CSMD1: variants seen among roughly 807,000 people sequenced by gnomAD.
The protein encoded by CSMD1 is CUB and sushi domain-containing protein 1.
CSMD1 carries 213 observed loss-of-function variants against 417.5 expected under a neutral mutation model. The ratio of observed to expected loss-of-function variants is 0.51; its 90% CI spans 0.46 to 0.57. The LOEUF (loss-of-function observed/expected upper bound fraction) is 0.57. CSMD1 is among the 20% of genes least tolerant of loss of function. The probability of loss-of-function intolerance (pLI) is 0.00; values close to 1 mark genes in which losing one functional copy is unlikely to be tolerated. For missense variants in CSMD1, 6,923 were observed against 4,529.7 expected, an observed-to-expected ratio of 1.53 and a Z score of -15.17; for synonymous variants, 2,862 against 1,736.8, an observed-to-expected ratio of 1.65 and a Z score of -16.11.
intron 3 of CSMD1, among the ~76,000 whole-genome samples, chr8:4,280,682 T>C (rs1018051028): frequency 2.0e-5 from 3 of 152,170 alleles, no homozygotes; most frequent in African/African-American, 7.2e-5. Flanking sequence ...GCTAACCTTG[T>C]CTAGATGAGC....
intron 11 of CSMD1, among the ~76,000 whole-genome samples, chr8:3,481,841 T>A (rs1322579684): frequency 6.6e-6 from 1 of 152,224 alleles, no homozygotes; most frequent in Non-Finnish European, 1.5e-5. Flanking sequence ...TCTGCCCACA[T>A]GTTGATGCTG....
chr8:3,377,248 G>C lies in CSMD1; in HGVS notation c.2783-7878C>G, dbSNP rs548240852. ...GCTGGCCTCGAACTCCTGGGCCTCAGCAATCTATCTACCTCAGCCTCCCAA... is the reference window on the plus strand; with the variant it reads ...GCTGGCCTCGAACTCCTGGGCCTCACCAATCTATCTACCTCAGCCTCCCAA... On this transcript the variant is annotated intron_variant, in intron 18 of 69. Coordinates refer to ENST00000635120, the MANE Select transcript of CSMD1 (RefSeq NM_033225.6). 3.9e-5 allele frequency among the ~76,000 whole-genome samples: 6 copies of C among 152,270 alleles called. No homozygotes were observed. In the East Asian group the frequency reaches 1.2e-3, roughly 29 times the overall value.
chr8:3,621,837 G>T (rs2449230), intron 7 of CSMD1, among the ~76,000 whole-genome samples: 1 of 151,680 alleles, frequency 6.6e-6, no homozygotes, highest in Non-Finnish European at 1.5e-5. Context: ...TCAAACTCCT[G>T]GGCTCAAACA....
intron 8 of CSMD1, among the ~76,000 whole-genome samples, chr8:3,600,212 G>T (rs143485216): frequency 1.3e-5 from 2 of 152,208 alleles, no homozygotes; most frequent in Non-Finnish European, 2.9e-5. Context: ...GTATCTGTCT[G>T]TCTTTCTCCT....
chr8:4,672,533 A>G (rs541318476), intron 1 of CSMD1, among the ~76,000 whole-genome samples: 9 of 152,324 alleles, frequency 5.9e-5, no homozygotes, highest in East Asian at 1.9e-4. Flanking sequence ...TGAAATATGC[A>G]CCTATAATGT....
intron 40 of CSMD1, among the ~76,000 whole-genome samples, chr8:3,146,093 C>T (rs978479322): frequency 3.9e-5 from 6 of 152,076 alleles, no homozygotes; most frequent in African/African-American, 1.4e-4. Context: ...TTCTAAAGAA[C>T]CTTTTATATT....
intron 26 of CSMD1, among the ~76,000 whole-genome samples, chr8:3,249,390 T>C (rs1315911858): frequency 6.6e-6 from 1 of 152,068 alleles, no homozygotes; most frequent in East Asian, 1.9e-4. Flanking sequence ...GCTCGGCTAT[T>C]TTTTTGTATT....
chr8:3,753,009 G>C (rs541412300), intron 6 of CSMD1, among the ~76,000 whole-genome samples: 1 of 152,286 alleles, frequency 6.6e-6, no homozygotes, highest in South Asian at 2.1e-4. Context: ...GACTTTCATG[G>C]GAGGTATTTA....
At chr8:4,077,279 C>CTATATATATATATATGTATATATA (rs1799868661) in intron 3 of CSMD1, among the ~76,000 whole-genome samples, 6 of 94,992 alleles carry the variant, frequency 6.3e-5, no homozygotes, top group Non-Finnish European at 1.1e-4. Context: ...CATTTGTCAC[C>CTATATATATATATATGTATATATA]TATATATATA....
rs532973779 is a variant in CSMD1, at chr8:3,957,553, G to A, written c.818+40350C>T. 2.4e-3 allele frequency among the ~76,000 whole-genome samples: 368 copies of A among 152,108 alleles called. 2 individuals carry two copies. Among genetic ancestry groups the A allele is most frequent in the African/African-American group, 8.6e-3 (355 of 41,488 alleles). On this transcript the variant is annotated intron_variant, in intron 5 of 69. Coordinates refer to ENST00000635120, the MANE Select transcript of CSMD1 (RefSeq NM_033225.6). Reference sequence around the variant, plus strand: ...AAAAAAACTAGCTGGGCATGGCGGGGCATACTTGTAGTCCCAGCTACTCAG... The same window carrying A: ...AAAAAAACTAGCTGGGCATGGCGGGACATACTTGTAGTCCCAGCTACTCAG...
intron 1 of CSMD1, among the ~76,000 whole-genome samples, chr8:4,905,157 T>C (rs1027815698): frequency 6.6e-6 from 1 of 152,072 alleles, no homozygotes; most frequent in Non-Finnish European, 1.5e-5. Context: ...ATCCTGGGAG[T>C]ACTATTCGAA....
At chr8:3,971,774 C>A (rs1813107156) in intron 5 of CSMD1, among the ~76,000 whole-genome samples, 1 of 152,150 alleles carries the variant, frequency 6.6e-6, no homozygotes, top group Non-Finnish European at 1.5e-5. Flanking sequence ...AAAGGAATTA[C>A]CAGTGTAGAG....
At chr8:4,073,904 T>G (rs1170382952) in intron 3 of CSMD1, among the ~76,000 whole-genome samples, 1 of 152,074 alleles carries the variant, frequency 6.6e-6, no homozygotes, top group Non-Finnish European at 1.5e-5. Flanking sequence ...TACAAATATT[T>G]CAAGTAGTCT....
intron 5 of CSMD1, among the ~76,000 whole-genome samples, chr8:3,783,202 T>A (rs796353766): frequency 4.6e-5 from 7 of 152,344 alleles, no homozygotes; most frequent in African/African-American, 1.7e-4. Context: ...TCACCATTCT[T>A]TCTTGTTCCT....
intron 3 of CSMD1, among the ~76,000 whole-genome samples, chr8:4,406,840 C>T (rs1053914468): frequency 2.6e-5 from 4 of 152,146 alleles, no homozygotes; most frequent in Admixed American, 6.5e-5. Context: ...TACAGCAAAA[C>T]TATTAAAATG....
At chr8:4,589,900 G>A (rs1476766294) in intron 2 of CSMD1, among the ~76,000 whole-genome samples, 1 of 152,086 alleles carries the variant, frequency 6.6e-6, no homozygotes, top group Non-Finnish European at 1.5e-5. Context: ...CCTGCCTTCT[G>A]ACACCATAGA....
Position 3,205,585 on chromosome 8 carries a change from C to T in CSMD1, c.4903G>A (p.Val1635Ile). The part of the protein sequence containing the change: ...CGGQYTGSEG[V>I]VLSPNYPHNY... The stretch of plus-strand genomic sequence containing the variant: ...TGGGGGTAGTTTGGTGATAAAACTA[C>T]CCCTTCTGATCCCGTGTACTGGCCT... The change falls in exon 31 of 70, where the codon GTA becomes ATA. Residue 1635 changes from valine to isoleucine, a missense_variant. Val to Ile is a conservative substitution (Grantham distance 29). Transcript: ENST00000635120. 3 of 1,593,294 alleles carry T rather than the reference C, an allele frequency of 1.9e-6. No individual in the cohort carries two copies. The highest frequency in any genetic ancestry group is 1.7e-6 in the Non-Finnish European group (2 of 1,167,522).
At position 4,787,498 on chromosome 8, in the gene CSMD1, T is replaced by C; in HGVS notation, c.86-149940A>G. On this transcript the variant is annotated intron_variant, in intron 1 of 69. Coordinates refer to ENST00000635120, the MANE Select transcript of CSMD1 (RefSeq NM_033225.6). ...CTGCAATCTCAAAGAAAATCACCAGTTGTATTTTTCAGTTATTATAGGAAG... is the reference window on the plus strand; with the variant it reads ...CTGCAATCTCAAAGAAAATCACCAGCTGTATTTTTCAGTTATTATAGGAAG... 8 of 919,770 alleles carry C rather than the reference T, an allele frequency of 8.7e-6. No individual in the cohort carries two copies. In the South Asian group the frequency reaches 9.8e-5, roughly 11 times the overall value. 57.0% of individuals were successfully genotyped at this position (919,770 alleles called of 1,614,324 possible). A position where few individuals can be genotyped will look rare whatever the true frequency, so the allele number is the denominator to read the frequency against.
At position 3,234,492 on chromosome 8, in the gene CSMD1, T is replaced by C. The variant is rs868207696; in HGVS notation, c.4154-4261A>G. Among the ~76,000 whole-genome samples, 20 of 152,100 alleles carry C rather than the reference T, an allele frequency of 1.3e-4. 1 individual carries two copies. In the Middle Eastern group the frequency reaches 0.01, roughly 78 times the overall value. ...TTGAAAACAGCACTCTCAGTGGAGA[T>C]CTAGAAGAGAGTGCTTGGGTTTCGG... is the stretch of plus-strand genomic sequence containing the variant. On this transcript the variant is annotated intron_variant, in intron 26 of 69. Coordinates refer to ENST00000635120, the MANE Select transcript of CSMD1 (RefSeq NM_033225.6).
Sources: gnomAD v4.1 joint callset for allele counts (sites outside exome capture counted in the v4.1 genomes callset) on GRCh38, gnomAD v4.1.1 for gene constraint, MANE v1.5 for transcripts, NCBI Gene and HGNC (gene_info 2026-07-23, HGNC 2026-07-21) for gene names.